RIC1: variants seen among roughly 807,000 people sequenced by gnomAD.
The protein encoded by RIC1 is guanine nucleotide exchange factor subunit RIC1.
RIC1 carries 88 observed loss-of-function variants against 169.0 expected under a neutral mutation model. The ratio of observed to expected loss-of-function variants is 0.52; its 90% confidence interval spans 0.44 to 0.62. RIC1 has a LOEUF of 0.62. Among genes scored for constraint, RIC1 ranks in the 20% least tolerant of loss-of-function variants. RIC1 has a pLI of 0.00. For missense variants in RIC1, 1,877 were observed against 1,725.5 expected (o/e 1.09, Z -1.56); for synonymous variants, 790 against 601.5 (o/e 1.31, Z -4.59).
intron 6 of RIC1, among the ~76,000 whole-genome samples, chr9:5,725,950 C>A (rs1200099882): frequency 1.3e-5 from 2 of 152,074 alleles, no homozygotes; most frequent in East Asian, 3.9e-4. Context: ...TGGTTTTTTA[C>A]ATTTGCTGAG....
At chr9:5,754,723 T>G (rs535270327) in intron 14 of RIC1, 118 bp from the exon 15 acceptor site, 1 of 577,378 alleles carries the variant, frequency 1.7e-6, no homozygotes, top group South Asian at 3.4e-5. Flanking sequence ...AGAGTGAGAC[T>G]GTCTCAAAAA....
intron 3 of RIC1, among the ~76,000 whole-genome samples, chr9:5,698,814 A>G (rs914133996): frequency 2.0e-5 from 3 of 152,210 alleles, no homozygotes; most frequent in Non-Finnish European, 2.9e-5. Flanking sequence ...CTTCTGAATT[A>G]TGTAAATATA....
intron 2 of RIC1, among the ~76,000 whole-genome samples, chr9:5,674,025 T>A (rs1000734718): frequency 6.6e-6 from 1 of 152,212 alleles, no homozygotes; most frequent in Non-Finnish European, 1.5e-5. Flanking sequence ...TCATAACCAG[T>A]TACATTAGCA....
At chr9:5,653,611 T>TC (rs2130426514) in intron 1 of RIC1, among the ~76,000 whole-genome samples, 1 of 151,012 alleles carries the variant, frequency 6.6e-6, no homozygotes, top group Non-Finnish European at 1.5e-5. Context: ...TTTCTTTCTT[T>TC]TTTTGAGACG....
chr9:5,689,849 G>C (rs1821489455), intron 2 of RIC1, 110 bp from the exon 3 acceptor site: 1 of 647,422 alleles, frequency 1.5e-6, no homozygotes, highest in Non-Finnish European at 2.6e-6. Flanking sequence ...TCCAAGGGAG[G>C]GTATTGGAGA....
chr9:5,663,465 T>C (rs190892063), intron 2 of RIC1, among the ~76,000 whole-genome samples: 1 of 152,314 alleles, frequency 6.6e-6, no homozygotes, highest in African/African-American at 2.4e-5. Context: ...TCTAAGTCTT[T>C]TTGAAGGTCT....
chr9:5,698,825 A>T (rs970513729), intron 3 of RIC1, among the ~76,000 whole-genome samples: 1 of 152,208 alleles, frequency 6.6e-6, no homozygotes, highest in African/African-American at 2.4e-5. Flanking sequence ...TGTAAATATA[A>T]TGTGCCTCCA....
intron 1 of RIC1, among the ~76,000 whole-genome samples, chr9:5,655,423 C>A (rs1819036171): frequency 6.6e-6 from 1 of 152,116 alleles, no homozygotes; most frequent in Admixed American, 6.6e-5. Flanking sequence ...GCCTCAGCCT[C>A]CCAAATAGCT....
intron 2 of RIC1, among the ~76,000 whole-genome samples, chr9:5,689,496 T>A (rs966974239): frequency 6.6e-6 from 1 of 152,230 alleles, no homozygotes; most frequent in Non-Finnish European, 1.5e-5. Context: ...AGATTGTTTT[T>A]GAAATATATA....
intron 17 of RIC1, among the ~76,000 whole-genome samples, chr9:5,759,941 G>A (rs1826228314): frequency 6.6e-6 from 1 of 152,154 alleles, no homozygotes; most frequent in Non-Finnish European, 1.5e-5. Context: ...GATAGAGTAG[G>A]CAACCAGTGG....
chr9:5,770,594 C>T (rs1475168558), intron 23 of RIC1, among the ~76,000 whole-genome samples: 1 of 152,104 alleles, frequency 6.6e-6, no homozygotes, highest in African/African-American at 2.4e-5. Context: ...ATAAAGAATT[C>T]CATTTTTATC....
chr9:5,745,906 T>C lies in RIC1; in HGVS notation c.1096-25T>C, dbSNP rs770532409. The C allele has an allele frequency of 3.1e-6, 5 of 1,590,408 alleles. No homozygotes were observed. The South Asian group carries it at 5.6e-5, about 18-fold the overall frequency. ...AAAAGCCTTTTATTGCTCTGACTTTTTTTCTCCCTCCTCTTCTCTCTAAGA... is the reference window on the plus strand; with the variant it reads ...AAAAGCCTTTTATTGCTCTGACTTTCTTTCTCCCTCCTCTTCTCTCTAAGA... On this transcript the variant is annotated intron_variant, in intron 10 of 25. Coordinates refer to ENST00000414202, the MANE Select transcript of RIC1 (RefSeq NM_020829.4).
Position 5,774,110 on chromosome 9 carries a change from GC to G in RIC1, c.4137del (p.Ser1380ProfsTer57), listed in dbSNP as rs1563730885. Reference protein sequence around the residue: ...QTSPRAEESRGSSSHGSIPQG... With the variant: ...QTSPRAEESRXSSSHGSIPQG... ...AGCCCCCGGGCAGAGGAGAGCAGGG[GC>G]TCCTCCAGCCATGGAAGCATCCCCC... On this transcript the variant is annotated frameshift_variant, in exon 26 of 26. Coordinates refer to ENST00000414202, the MANE Select transcript of RIC1 (RefSeq NM_020829.4). LOFTEE classifies it high-confidence loss of function. The G allele has an allele frequency of 6.2e-7, 1 of 1,614,056 alleles. No homozygotes were observed. The highest frequency in any genetic ancestry group is 2.2e-5 in the East Asian group (1 of 44,868).
chr9:5,699,565 A>T (rs1822099696), intron 3 of RIC1, among the ~76,000 whole-genome samples: 1 of 152,180 alleles, frequency 6.6e-6, no homozygotes, highest in Non-Finnish European at 1.5e-5. Context: ...ACATTTTATA[A>T]AACTTTCTAG....
intron 6 of RIC1, among the ~76,000 whole-genome samples, chr9:5,726,174 T>C (rs1035177736): frequency 2.0e-5 from 3 of 152,182 alleles, no homozygotes; most frequent in Admixed American, 2.0e-4. Flanking sequence ...CCCATTATTA[T>C]TGTGTGGGAG....
chr9:5,675,342 TA>T (rs1308618041), intron 2 of RIC1, among the ~76,000 whole-genome samples: 1 of 152,060 alleles, frequency 6.6e-6, no homozygotes, highest in African/African-American at 2.4e-5. Flanking sequence ...GGAGGTAATC[TA>T]AAAAGATTGC....
At chr9:5,693,986 G>T (rs1191470863) in intron 3 of RIC1, among the ~76,000 whole-genome samples, 1 of 151,032 alleles carries the variant, frequency 6.6e-6, no homozygotes, top group African/African-American at 2.4e-5. Flanking sequence ...CTTTTTCACT[G>T]AAGAAAAAAA....
At chr9:5,733,290 G>A (rs932544523) in intron 7 of RIC1, among the ~76,000 whole-genome samples, 17 of 145,824 alleles carry the variant, frequency 1.2e-4, no homozygotes, top group African/African-American at 4.1e-4. Context: ...TTGAGATGGA[G>A]TCTCGCTCTG....
intron 1 of RIC1, among the ~76,000 whole-genome samples, chr9:5,636,276 T>G (rs1214537929): frequency 1.3e-5 from 2 of 152,078 alleles, no homozygotes; most frequent in Non-Finnish European, 1.5e-5. Context: ...GTATTCTAAG[T>G]ATTTAGTTTT....
Sources: gnomAD v4.1 joint callset for allele counts (sites outside exome capture counted in the v4.1 genomes callset) on GRCh38, gnomAD v4.1.1 for gene constraint, MANE v1.5 for transcripts, NCBI Gene and HGNC (gene_info 2026-07-23, HGNC 2026-07-21) for gene names.